Variants in SUPT3H observed in about 807,000 individuals in gnomAD.
The protein encoded by SUPT3H is SPT3 homolog, SAGA and STAGA complex component, also known as transcription initiation protein SPT3 homolog.
In SUPT3H, 44 loss-of-function variants were observed where a neutral mutation model predicts 44.3. That is an observed-to-expected ratio of 0.99 (90% CI 0.78 to 1.28). The LOEUF is 1.28. SUPT3H is among the 50% of genes most tolerant of loss of function. SUPT3H has a pLI of 0.00. For missense variants in SUPT3H, 380 were observed against 387.1 expected, an observed-to-expected ratio of 0.98 and a Z score of 0.15; for synonymous variants, 124 against 125.6, an observed-to-expected ratio of 0.99 and a Z score of 0.09.
chr6:44,967,623 T>C (rs1423043477), intron 6 of SUPT3H, among the ~76,000 whole-genome samples: 2 of 152,244 alleles, frequency 1.3e-5, no homozygotes, highest in African/African-American at 4.8e-5. Flanking sequence ...TTAAATTCCA[T>C]GTGCTCTCAC....
At chr6:45,117,910 T>C (rs1421024157) in intron 2 of SUPT3H, among the ~76,000 whole-genome samples, 1 of 151,982 alleles carries the variant, frequency 6.6e-6, no homozygotes, top group African/African-American at 2.4e-5. Context: ...TCATCTCTAG[T>C]CTCAACAATA....
chr6:45,344,528 T>C (rs758045157), intron 2 of SUPT3H, among the ~76,000 whole-genome samples: 1 of 152,126 alleles, frequency 6.6e-6, no homozygotes, highest in Admixed American at 6.6e-5. Flanking sequence ...TTTGAACGTC[T>C]AGAACAGTAA....
rs116491328 is a variant in SUPT3H, at chr6:45,154,324, C to T, written c.102-48318G>A. ...CAATGTCTGTTCAATGAAGAAATGA[C>T]TGAACAATTAAAAAAAAGAAGAAGA... On this transcript the variant is annotated intron_variant, in intron 2 of 10. Transcript: ENST00000371459. 8.2e-3 allele frequency among the ~76,000 whole-genome samples: 1,239 copies of T among 151,944 alleles called. 17 individuals are homozygous for T. The highest frequency in any genetic ancestry group is 0.028 in the African/African-American group (1,164 of 41,458).
chr6:45,372,012 A>G, intron 1 of SUPT3H: 1 of 941,732 alleles, frequency 1.1e-6, no homozygotes, highest in South Asian at 4.9e-5. Context: ...TCTACTATAC[A>G]TCAAAGAATA....
chr6:45,121,209 T>C (rs528036501), intron 2 of SUPT3H, among the ~76,000 whole-genome samples: 1 of 152,188 alleles, frequency 6.6e-6, no homozygotes, highest in African/African-American at 2.4e-5. Flanking sequence ...AACCTCTAGA[T>C]CCTATAGGAG....
At chr6:44,945,762 T>A (rs1220658557) in intron 9 of SUPT3H, among the ~76,000 whole-genome samples, 1 of 152,164 alleles carries the variant, frequency 6.6e-6, no homozygotes, top group South Asian at 2.1e-4. Context: ...AAGTGCAAGG[T>A]GAAGCAGCGA....
intron 2 of SUPT3H, among the ~76,000 whole-genome samples, chr6:45,305,681 C>A (rs1486082859): frequency 6.6e-6 from 1 of 152,184 alleles, no homozygotes; most frequent in East Asian, 1.9e-4. Flanking sequence ...AACTCCTTGC[C>A]TTAAAAATCC....
At chr6:45,101,057 T>C (rs1327481135) in intron 3 of SUPT3H, among the ~76,000 whole-genome samples, 12 of 152,200 alleles carry the variant, frequency 7.9e-5, no homozygotes, top group African/African-American at 2.7e-4. Context: ...TAAATGAGCT[T>C]AAATGACATT....
intron 2 of SUPT3H, among the ~76,000 whole-genome samples, chr6:45,142,839 ACTCACATAAGG>A (rs1805465759): frequency 6.6e-6 from 1 of 151,414 alleles, no homozygotes; most frequent in Admixed American, 6.6e-5. Flanking sequence ...ACACATAAGG[ACTCACATAAGG>A]TAAAGGAGTG....
intron 10 of SUPT3H, among the ~76,000 whole-genome samples, chr6:44,835,658 T>C (rs1264557984): frequency 1.3e-5 from 2 of 152,172 alleles, no homozygotes; most frequent in Non-Finnish European, 2.9e-5. Context: ...GAATACTCAG[T>C]TGAGCCACCG....
chr6:44,954,604 T>A lies in SUPT3H; in HGVS notation c.584A>T (p.Lys195Ile). Residue 195 changes from lysine to isoleucine, a missense_variant, in exon 8 of 11, where the codon AAA (lysine) becomes ATA (isoleucine). Transcript: ENST00000371459. Reference protein sequence around the residue: ...FCESRQLSFSKKASKFRDWLD... With the variant: ...FCESRQLSFSIKASKFRDWLD... ...CCAGTCTCGAAATTTGGAAGCTTTT[T>A]TGGCTGGCCATTTAAAAAAAACAAG... 1 of 1,608,268 alleles carries A rather than the reference T, an allele frequency of 6.2e-7. No individual in the cohort carries two copies. The highest frequency in any genetic ancestry group is 8.5e-7 in the Non-Finnish European group (1 of 1,175,910).
intron 2 of SUPT3H, among the ~76,000 whole-genome samples, chr6:45,170,549 A>G (rs779070999): frequency 2.0e-5 from 3 of 152,254 alleles, no homozygotes; most frequent in Non-Finnish European, 4.4e-5. Flanking sequence ...ATTAAAGCCC[A>G]TCTGTGTAGT....
chr6:45,275,360 T>A (rs564390972), intron 2 of SUPT3H, among the ~76,000 whole-genome samples: 1 of 152,210 alleles, frequency 6.6e-6, no homozygotes, highest in South Asian at 2.1e-4. Flanking sequence ...ATGTATGTTT[T>A]ACTTTACCAT....
intron 2 of SUPT3H, among the ~76,000 whole-genome samples, chr6:45,261,628 A>T (rs943884121): frequency 1.3e-5 from 2 of 152,168 alleles, no homozygotes; most frequent in Non-Finnish European, 2.9e-5. Context: ...ATCATACTGG[A>T]CAGGCAAAAG....
chr6:45,188,908 A>G (rs1048440526), intron 2 of SUPT3H, among the ~76,000 whole-genome samples: 2 of 152,144 alleles, frequency 1.3e-5, no homozygotes, highest in African/African-American at 4.8e-5. Context: ...TTCATTGTAT[A>G]ATAAACCTTT....
rs144830927 is a variant in SUPT3H, at chr6:45,070,380, C to T, written c.186+35542G>A. ...TGGAAACCCCAGGATCCAACCTAAT[C>T]TTATTTGGTATTCAGAAGTATATAC... On this transcript the variant is annotated intron_variant, in intron 3 of 10. Transcript: ENST00000371459. 1.9e-3 allele frequency among the ~76,000 whole-genome samples: 296 copies of T among 152,228 alleles called. 1 individual carries two copies. In the Middle Eastern group the frequency reaches 0.031, roughly 16 times the overall value.
At chr6:44,833,597 A>G (rs1366622813) in intron 10 of SUPT3H, among the ~76,000 whole-genome samples, 1 of 152,152 alleles carries the variant, frequency 6.6e-6, no homozygotes, top group Admixed American at 6.5e-5. Flanking sequence ...CAAAGTAGGG[A>G]GGGGCAAAGA....
chr6:45,225,136 G>T lies in SUPT3H; in HGVS notation c.102-119130C>A, dbSNP rs780287934. Among the ~76,000 whole-genome samples the T allele has an allele frequency of 1.1e-3, 168 of 151,722 alleles. 2 individuals are homozygous for T. The highest frequency in any genetic ancestry group is 0.01 in the Middle Eastern group (3 of 294). ...TCTATTAAAAATACAAAAATTAGCCGGGTGTGGTGGCATGCGTCTGTAATC... is the reference window on the plus strand; with the variant it reads ...TCTATTAAAAATACAAAAATTAGCCTGGTGTGGTGGCATGCGTCTGTAATC... On this transcript the variant is annotated intron_variant, in intron 2 of 10. Transcript: ENST00000371459.
intron 10 of SUPT3H, among the ~76,000 whole-genome samples, chr6:44,889,732 C>A (rs1582258475): frequency 6.6e-6 from 1 of 152,258 alleles, no homozygotes; most frequent in African/African-American, 2.4e-5. Flanking sequence ...ACACCAAAAG[C>A]AATGGCAACC....
Sources: gnomAD v4.1 joint callset for allele counts (sites outside exome capture counted in the v4.1 genomes callset) on GRCh38, gnomAD v4.1.1 for gene constraint, MANE v1.5 for transcripts, NCBI Gene and HGNC (gene_info 2026-07-23, HGNC 2026-07-21) for gene names.